Variants in DPP9 observed in about 807,000 individuals in gnomAD.
The protein encoded by DPP9 is dipeptidyl peptidase 9.
Under a neutral mutation model 110.7 loss-of-function variants are expected in DPP9, and 50 were observed. The ratio of observed to expected loss-of-function variants is 0.45; its 90% confidence interval spans 0.36 to 0.57. DPP9 has a LOEUF of 0.57. Ranked by LOEUF, DPP9 falls within the 20% of genes least tolerant of loss-of-function variation. The pLI is 0.00. For synonymous variants in DPP9, 561 were observed against 514.4 expected (o/e 1.09, Z -1.23); for missense variants, 1,022 against 1,217.9 (o/e 0.84, Z 2.39).
In DPP9 at chr19:4,684,939, C is replaced by G. The variant is rs568886114; in HGVS notation, c.2032-130G>C. ...GAGCCTAATGAAAGCACCTGTGCCC[C>G]GGAGGCTCTGGATGGACACCTGGGA... On this transcript the variant is annotated intron_variant, in intron 17 of 21. Coordinates refer to ENST00000262960, the MANE Select transcript of DPP9 (RefSeq NM_139159.5). This position sits in a 1 kb window ranked among gnomAD's most constrained non-coding sequence, Gnocchi z 4.8. 2.9e-4 allele frequency: 368 copies of G among 1,249,218 alleles called. No homozygotes were observed. Among genetic ancestry groups the G allele is most frequent in the Non-Finnish European group, 3.8e-4 (337 of 882,984 alleles). 77.4% of individuals were successfully genotyped at this position (1,249,218 alleles called of 1,614,324 possible).
intron 20 of DPP9, 21 bp from the exon 21 acceptor site, chr19:4,679,967 G>GGTCT: frequency 6.3e-7 from 1 of 1,580,240 alleles, no homozygotes; most frequent in Non-Finnish European, 8.7e-7. Context: ...GATGGGGAAG[G>GGTCT]GTCTGAGGCC....
At chr19:4,717,434 G>A (rs2093131712) in intron 3 of DPP9, among the ~76,000 whole-genome samples, 1 of 152,150 alleles carries the variant, frequency 6.6e-6, no homozygotes, top group African/African-American at 2.4e-5. Context: ...GCTCCTCTGA[G>A]CGGCCTAAGC....
At chr19:4,677,303 C>G (rs2088988308) in intron 21 of DPP9, among the ~76,000 whole-genome samples, 1 of 152,108 alleles carries the variant, frequency 6.6e-6, no homozygotes, top group Admixed American at 6.5e-5. Flanking sequence ...GACGGACAAC[C>G]CCTATAGCTC....
At chr19:4,707,614 C>CT (rs906371157) in intron 4 of DPP9, among the ~76,000 whole-genome samples, 1,450 of 78,402 alleles carry the variant, frequency 0.018, 325 homozygotes, top group African/African-American at 0.026. Context: ...CTCATACTCG[C>CT]TTTTTTTTTT....
chr19:4,705,760 T>C, intron 5 of DPP9, 98 bp downstream of exon 5: 1 of 1,168,946 alleles, frequency 8.6e-7, no homozygotes, highest in East Asian at 2.5e-5. Context: ...TCACAGCCGG[T>C]GGGGCAGAGA....
At chr19:4,690,348 GA>G (rs2091202381) in intron 14 of DPP9, among the ~76,000 whole-genome samples, 3 of 152,258 alleles carry the variant, frequency 2.0e-5, no homozygotes, top group Admixed American at 2.0e-4. Context: ...AGCCCCGAGG[GA>G]GGAGAGGGCA....
intron 20 of DPP9, among the ~76,000 whole-genome samples, chr19:4,681,517 G>T (rs983114494): frequency 6.6e-6 from 1 of 151,506 alleles, no homozygotes; most frequent in African/African-American, 2.4e-5. Flanking sequence ...GGGTTTCACC[G>T]TGTTGGCTAG....
At chr19:4,677,391 C>A (rs1037626193) in intron 21 of DPP9, among the ~76,000 whole-genome samples, 2 of 152,164 alleles carry the variant, frequency 1.3e-5, no homozygotes, top group African/African-American at 4.8e-5. Flanking sequence ...CCGGGGCTGG[C>A]CGGCAGCAGG....
intron 8 of DPP9, 112 bp from the exon 9 acceptor site, chr19:4,702,267 GAAAC>G: frequency 7.2e-7 from 1 of 1,396,412 alleles, no homozygotes; most frequent in Non-Finnish European, 9.6e-7. Flanking sequence ...CGAGGGCTCT[GAAAC>G]CAGAACCCCG....
chr19:4,702,867 G>GGAGAGGGAGA (rs1463053390), intron 7 of DPP9, among the ~76,000 whole-genome samples, 151 bp from the exon 8 acceptor site: 1 of 147,794 alleles, frequency 6.8e-6, no homozygotes. Flanking sequence ...GGAGAGGGAG[G>GGAGAGGGAGA]GAGAGCTCGG....
chr19:4,719,974 T>C, intron 2 of DPP9, 33 bp from the exon 3 acceptor site: 1 of 1,534,646 alleles, frequency 6.5e-7, no homozygotes, highest in Non-Finnish European at 8.8e-7. Context: ...ATCAAAGGGC[T>C]GCAACCCCAG....
Position 4,702,594 on chromosome 19 carries a change from G to A in DPP9, c.883+9C>T. ...CCCGGGAGCATGTTGAAAAATGGAAGGGACCTACCTTCCCAGGAGGCTGTG... is the reference window on the plus strand; with the variant it reads ...CCCGGGAGCATGTTGAAAAATGGAAAGGACCTACCTTCCCAGGAGGCTGTG... On this transcript the variant is annotated intron_variant, in intron 8 of 21. Transcript: ENST00000262960. 1.3e-6 allele frequency: 2 copies of A among 1,582,890 alleles called. No individual in the cohort carries two copies. The highest frequency in any genetic ancestry group is 1.7e-6 in the Non-Finnish European group (2 of 1,163,720).
chr19:4,689,451 C>G lies in DPP9; in HGVS notation c.1749+119G>C. 2 of 1,329,236 alleles carry G rather than the reference C, an allele frequency of 1.5e-6. No homozygotes were observed. Among genetic ancestry groups the G allele is most frequent in the Non-Finnish European group, 2.0e-6 (2 of 988,250 alleles). The allele number at this position is 1,329,236 out of a possible 1,614,324, so 82.3% of individuals were successfully genotyped here. On this transcript the variant is annotated intron_variant, in intron 15 of 21. Transcript: ENST00000262960. This position sits in a 1 kb window ranked among gnomAD's most constrained non-coding sequence, Gnocchi z 7.0. The stretch of plus-strand genomic sequence containing the variant: ...GTGGGCACTGCCTGCCCCAAGGCAG[C>G]TATGAGAATGCGAGACCATGAGAAT...
chr19:4,683,781 G>T (rs1470624091), intron 18 of DPP9, 152 bp from the exon 19 acceptor site: 1 of 1,557,970 alleles, frequency 6.4e-7, no homozygotes, highest in Non-Finnish European at 8.6e-7. Flanking sequence ...TGCTAACCCT[G>T]CCTGCTATCT....
At position 4,702,841 on chromosome 19, in the gene DPP9, G is replaced by GGA. The variant is rs1555717537; in HGVS notation, c.770-126_770-125insTC. The GGA allele has an allele frequency of 1.9e-4, 3 of 15,392 alleles. No individual in the cohort carries two copies. In the African/African-American group the frequency reaches 2.6e-3, roughly 14 times the overall value. 1.0% of individuals were successfully genotyped at this position (15,392 alleles called of 1,614,324 possible). ...AGGAGGGAAGGAAAGGGAAGGAGAG[G>GGA]GGGAGGGAGAGGGAGGGAGAGGGAG... is the stretch of plus-strand genomic sequence containing the variant. On this transcript the variant is annotated intron_variant, in intron 7 of 21. Coordinates refer to ENST00000262960, the MANE Select transcript of DPP9 (RefSeq NM_139159.5).
intron 11 of DPP9, 123 bp downstream of exon 11, chr19:4,697,428 C>T: frequency 1.3e-6 from 1 of 782,990 alleles, no homozygotes; most frequent in Non-Finnish European, 2.0e-6. Flanking sequence ...CTGGCGGTTG[C>T]ACTGCGGGAA....
intron 4 of DPP9, among the ~76,000 whole-genome samples, chr19:4,712,354 G>A (rs2092875215): frequency 6.6e-6 from 1 of 152,146 alleles, no homozygotes; most frequent in African/African-American, 2.4e-5. Context: ...CTCAAGACCA[G>A]CTTGGGCAAC....
In DPP9 at chr19:4,698,691, A is replaced by G. The variant is rs2091997918; in HGVS notation, c.1075-1040T>C. 6.6e-6 allele frequency among the ~76,000 whole-genome samples: 1 copy of G among 152,008 alleles called. No individual in the cohort carries two copies. ...CTTGAGCCTGGGAAGTTGAGGCTGCAGTGGGTCATGATTGCACCAGTGTAC... is the reference window on the plus strand; with the variant it reads ...CTTGAGCCTGGGAAGTTGAGGCTGCGGTGGGTCATGATTGCACCAGTGTAC... On this transcript the variant is annotated intron_variant, in intron 10 of 21. Coordinates refer to ENST00000262960, the MANE Select transcript of DPP9 (RefSeq NM_139159.5). The surrounding 1 kb of genome is among the most constrained non-coding windows in gnomAD (Gnocchi z 4.2).
intron 4 of DPP9, among the ~76,000 whole-genome samples, chr19:4,713,651 A>G (rs1439678982): frequency 3.9e-5 from 6 of 152,134 alleles, no homozygotes; most frequent in African/African-American, 1.4e-4. Context: ...CTCCTCCTGG[A>G]GTTACTCCCG....
Sources: allele counts gnomAD v4.1 joint callset (sites outside exome capture counted in the v4.1 genomes callset), GRCh38; gene constraint gnomAD v4.1.1; non-coding constraint Gnocchi (gnomAD v3.1); transcripts MANE v1.5; gene names NCBI Gene and HGNC (gene_info 2026-07-23, HGNC 2026-07-21).